DISC1: variants seen among roughly 807,000 people sequenced by gnomAD.
DISC1 encodes the protein disrupted in schizophrenia 1 protein.
In DISC1, 57 loss-of-function variants were observed where a neutral mutation model predicts 84.5. That is an observed-to-expected ratio of 0.67 (90% confidence interval 0.55 to 0.84). The LOEUF (loss-of-function observed/expected upper bound fraction) is 0.84, where lower values mean the gene tolerates loss of function less well. DISC1 is among the 40% of genes least tolerant of loss of function. DISC1 has a pLI of 0.00. For synonymous variants in DISC1, 411 were observed against 415.2 expected, an observed-to-expected ratio of 0.99 and a Z score of 0.12; for missense variants, 1,000 against 1,057.8, an observed-to-expected ratio of 0.95 and a Z score of 0.76.
At chr1:231,678,971 C>T (rs769626623) in intron 1 of DISC1, among the ~76,000 whole-genome samples, 20 of 152,314 alleles carry the variant, frequency 1.3e-4, no homozygotes, top group Non-Finnish European at 2.5e-4. Flanking sequence ...CCACCGCGCC[C>T]GGCCACGTTG....
At chr1:231,880,600 T>C (rs1427363898) in intron 9 of DISC1, among the ~76,000 whole-genome samples, 1 of 152,106 alleles carries the variant, frequency 6.6e-6, no homozygotes, top group Non-Finnish European at 1.5e-5. Flanking sequence ...CACTGCACAG[T>C]AATAGACCCA....
chr1:231,703,548 C>A (rs1439541257), intron 3 of DISC1, among the ~76,000 whole-genome samples: 1 of 152,178 alleles, frequency 6.6e-6, no homozygotes, highest in Non-Finnish European at 1.5e-5. Flanking sequence ...ACACATAAAG[C>A]TTACAATGCA....
chr1:232,013,765 G>A (rs1469686619), intron 11 of DISC1, among the ~76,000 whole-genome samples: 1 of 152,136 alleles, frequency 6.6e-6, no homozygotes, highest in African/African-American at 2.4e-5. Context: ...TTCCTCTTGG[G>A]TATGGGGCCG....
intron 3 of DISC1, chr1:231,723,856 C>T: frequency 2.0e-6 from 2 of 985,396 alleles, no homozygotes; most frequent in Non-Finnish European, 1.2e-6. Context: ...TCTTCTTACC[C>T]AAACAACCAG....
intron 10 of DISC1, among the ~76,000 whole-genome samples, chr1:231,972,466 GT>G (rs1040123824): frequency 2.6e-5 from 4 of 152,182 alleles, no homozygotes; most frequent in African/African-American, 9.7e-5. Context: ...CCCCATCTTT[GT>G]TTCCCAGGTG....
At chr1:231,904,452 G>A (rs1409146271) in intron 9 of DISC1, among the ~76,000 whole-genome samples, 1 of 152,134 alleles carries the variant, frequency 6.6e-6, no homozygotes, top group African/African-American at 2.4e-5. Context: ...TGAAAGTTTG[G>A]TGTCTCACTA....
chr1:231,699,287 G>C (rs780637820), intron 2 of DISC1, among the ~76,000 whole-genome samples: 5 of 152,154 alleles, frequency 3.3e-5, no homozygotes, highest in Admixed American at 6.5e-5. Flanking sequence ...GTAAGTACTA[G>C]CATCCTATAC....
At position 232,037,861 on chromosome 1, in the gene DISC1, A is replaced by G. The variant is rs1351761535; in HGVS notation, c.*1030A>G. 1 of 152,456 alleles carries G rather than the reference A, an allele frequency of 6.6e-6. No individual in the cohort carries two copies. Among genetic ancestry groups the G allele is most frequent in the African/African-American group, 2.4e-5 (1 of 41,422 alleles). The allele number at this position is 152,456 out of a possible 1,614,324, so 9.4% of individuals were successfully genotyped here. A position where few individuals can be genotyped will look rare whatever the true frequency, so the allele number is the denominator to read the frequency against. ...AATACAGTACTCAGTTAGGCAGTGC[A>G]GTACTCAGGAATGCAGCACAGTACT... On this transcript the variant is annotated 3_prime_UTR_variant, in exon 13 of 13. Transcript: ENST00000439617.
chr1:231,795,626 C>G (rs564704611), intron 7 of DISC1, among the ~76,000 whole-genome samples: 9 of 152,300 alleles, frequency 5.9e-5, no homozygotes, highest in Admixed American at 5.9e-4. Flanking sequence ...CGGTGGCTCA[C>G]GCCTGTAATC....
chr1:231,937,598 G>A (rs199773819), intron 9 of DISC1, among the ~76,000 whole-genome samples: 69 of 152,302 alleles, frequency 4.5e-4, no homozygotes, highest in South Asian at 2.7e-3. Context: ...TTACAGCACC[G>A]GAACATGGTC....
At chr1:231,862,213 G>T (rs915904506) in intron 9 of DISC1, among the ~76,000 whole-genome samples, 3 of 152,106 alleles carry the variant, frequency 2.0e-5, no homozygotes, top group Non-Finnish European at 4.4e-5. Context: ...TATACATGAG[G>T]CATCTGAGAC....
At chr1:231,714,493 A>G (rs1458504858) in intron 3 of DISC1, among the ~76,000 whole-genome samples, 1 of 152,204 alleles carries the variant, frequency 6.6e-6, no homozygotes, top group East Asian at 1.9e-4. Context: ...CTTCAAAAAG[A>G]GAAACATAGA....
chr1:232,002,544 G>C (rs1666823737), intron 10 of DISC1, among the ~76,000 whole-genome samples: 1 of 150,984 alleles, frequency 6.6e-6, no homozygotes, highest in Non-Finnish European at 1.5e-5. Flanking sequence ...CTACTCAGCA[G>C]TTGAAAAGGA....
chr1:231,878,464 A>T (rs531872770), intron 9 of DISC1, among the ~76,000 whole-genome samples: 1 of 152,144 alleles, frequency 6.6e-6, no homozygotes, highest in African/African-American at 2.4e-5. Flanking sequence ...GCTTCAAGGG[A>T]TGGAGAAAAG....
chr1:232,018,259 T>C (rs192176041), intron 11 of DISC1, among the ~76,000 whole-genome samples: 5 of 152,392 alleles, frequency 3.3e-5, no homozygotes, highest in African/African-American at 1.2e-4. Flanking sequence ...TATTTCATAA[T>C]ATATTCCCTA....
intron 5 of DISC1, 141 bp downstream of exon 5, chr1:231,767,410 C>A: frequency 7.9e-7 from 1 of 1,269,742 alleles, no homozygotes; most frequent in Non-Finnish European, 1.1e-6. Flanking sequence ...GATTCTCCCA[C>A]CTCAGCCTCC....
rs533463099 is a variant in DISC1 at position 231,863,220 on chromosome 1, C to CTTTTTTTTT, written c.1981+44727_1981+44735dup. Among the ~76,000 whole-genome samples the CTTTTTTTTT allele has an allele frequency of 3.8e-4, 21 of 54,768 alleles. 1 individual carries two copies. Among genetic ancestry groups the CTTTTTTTTT allele is most frequent in the African/African-American group, 4.6e-4 (6 of 13,180 alleles). 35.9% of individuals were successfully genotyped at this position (54,768 alleles called of 152,430 possible). The stretch of plus-strand genomic sequence containing the variant: ...TGATTGACATAGTTTATAAAATGTT[C>CTTTTTTTTT]TTTTTTTTTTTTTTTTTTTTTTTTT... On this transcript the variant is annotated intron_variant, in intron 9 of 12. Transcript: ENST00000439617.
chr1:231,773,734 T>G (rs566349263), intron 6 of DISC1, among the ~76,000 whole-genome samples: 50 of 152,320 alleles, frequency 3.3e-4, no homozygotes, highest in African/African-American at 1.2e-3. Flanking sequence ...TCTCTGATTT[T>G]ATGATGCTGT....
intron 4 of DISC1, among the ~76,000 whole-genome samples, chr1:231,761,152 A>G (rs2075626724): frequency 6.6e-6 from 1 of 152,114 alleles, no homozygotes; most frequent in Non-Finnish European, 1.5e-5. Flanking sequence ...GGAGACCTGT[A>G]TGACACTGTG....
Sources: allele counts gnomAD v4.1 joint callset (sites outside exome capture counted in the v4.1 genomes callset), GRCh38; gene constraint gnomAD v4.1.1; transcripts MANE v1.5; gene names NCBI Gene and HGNC (gene_info 2026-07-23, HGNC 2026-07-21).